ZNF407: variants seen among roughly 807,000 people sequenced by gnomAD.
ZNF407 encodes the protein zinc finger protein 407.
Under a neutral mutation model 131.2 loss-of-function variants are expected in ZNF407, and 17 were observed. That is an observed-to-expected ratio of 0.13 (90% CI 0.09 to 0.19). The LOEUF is 0.19. Among genes scored for constraint, ZNF407 ranks in the 10% least tolerant of loss-of-function variants. ZNF407 has a pLI of 1.00. For synonymous variants in ZNF407, 1,156 were observed against 1,062.0 expected, an observed-to-expected ratio of 1.09 and a Z score of -1.72; for missense variants, 2,681 against 2,830.6, an observed-to-expected ratio of 0.95 and a Z score of 1.20.
At chr18:75,020,817 T>G (rs1222145993) in intron 8 of ZNF407, among the ~76,000 whole-genome samples, 2 of 152,182 alleles carry the variant, frequency 1.3e-5, no homozygotes, top group African/African-American at 4.8e-5. Context: ...GAAGACAGAC[T>G]CCTTCCTAAT....
intron 3 of ZNF407, among the ~76,000 whole-genome samples, chr18:74,684,464 A>G (rs1374964936): frequency 1.3e-5 from 2 of 152,210 alleles, no homozygotes; most frequent in African/African-American, 4.8e-5. Context: ...AGTGCTCTGG[A>G]TAAATTTTGT....
At chr18:74,804,298 G>A (rs1443686484) in intron 4 of ZNF407, 147 of 1,145,858 alleles carry the variant, frequency 1.3e-4, no homozygotes, top group Non-Finnish European at 1.5e-4. Context: ...CATCATCAAT[G>A]AGTTAAAAAA....
At chr18:74,745,757 C>G (rs988077448) in intron 3 of ZNF407, among the ~76,000 whole-genome samples, 3 of 152,136 alleles carry the variant, frequency 2.0e-5, no homozygotes, top group East Asian at 1.9e-4. Flanking sequence ...TCTAGTTTTG[C>G]CTCATTTAGG....
chr18:75,063,399 T>A lies in ZNF407; in HGVS notation c.5678T>A (p.Leu1893Gln). The change falls in exon 9 of 9, where the codon CTG (leucine) becomes CAG (glutamine). Residue 1893 changes from leucine (L) to glutamine (Q), a missense_variant. Physicochemically the swap from Leu to Gln is moderately radical, Grantham distance 113. Coordinates refer to ENST00000299687, the MANE Select transcript of ZNF407 (RefSeq NM_017757.3). This position sits in a 1 kb window ranked among gnomAD's most constrained non-coding sequence, Gnocchi z 6.6. ...EETAAATLQT[L>Q]AMAGQVARVV... ...ACGGCCGCCGCCACGCTGCAGACGC[T>A]GGCCATGGCCGGCCAGGTGGCCCGG... 3 of 1,611,214 alleles carry A rather than the reference T, an allele frequency of 1.9e-6. No homozygotes were observed. The highest frequency in any genetic ancestry group is 2.5e-6 in the Non-Finnish European group (3 of 1,179,086).
intron 8 of ZNF407, among the ~76,000 whole-genome samples, chr18:75,050,542 G>A (rs1224573508): frequency 6.6e-6 from 1 of 152,200 alleles, no homozygotes; most frequent in Non-Finnish European, 1.5e-5. Flanking sequence ...CCCACAGGCT[G>A]ACATGAAGAG....
At chr18:74,720,093 A>T (rs9944878) in intron 3 of ZNF407, among the ~76,000 whole-genome samples, 12,545 of 152,048 alleles carry the variant, frequency 0.083, 687 homozygotes, top group African/African-American at 0.16. Context: ...ATTGTATTCC[A>T]TAGTGGTTGT....
chr18:75,005,154 T>G (rs1008020632), intron 8 of ZNF407, among the ~76,000 whole-genome samples: 5 of 152,184 alleles, frequency 3.3e-5, no homozygotes, highest in Non-Finnish European at 5.9e-5. Flanking sequence ...GACTGCTTGA[T>G]GGATGGAGCT....
At chr18:75,029,348 C>T (rs1368485052) in intron 8 of ZNF407, among the ~76,000 whole-genome samples, 1 of 152,156 alleles carries the variant, frequency 6.6e-6, no homozygotes, top group South Asian at 2.1e-4. Context: ...CCTCTTTCTA[C>T]GTTAACCCAG....
chr18:74,797,538 G>A (rs1255187053), intron 4 of ZNF407, among the ~76,000 whole-genome samples: 1 of 152,244 alleles, frequency 6.6e-6, no homozygotes, highest in Non-Finnish European at 1.5e-5. Flanking sequence ...TTGTGTGCAG[G>A]CTAGCCTGCT....
intron 8 of ZNF407, among the ~76,000 whole-genome samples, chr18:75,054,847 C>T (rs1039650708): frequency 3.9e-5 from 6 of 152,232 alleles, no homozygotes; most frequent in Non-Finnish European, 8.8e-5. Flanking sequence ...AAGCCTCACT[C>T]CTGAGGGACT....
chr18:74,789,838 C>T (rs1184210441), intron 4 of ZNF407, among the ~76,000 whole-genome samples: 2 of 145,666 alleles, frequency 1.4e-5, no homozygotes, highest in African/African-American at 5.1e-5. Context: ...AAAATCTTTC[C>T]CTTATCTTTG....
At chr18:75,057,191 A>G (rs1048491105) in intron 8 of ZNF407, among the ~76,000 whole-genome samples, 1 of 152,248 alleles carries the variant, frequency 6.6e-6, no homozygotes, top group African/African-American at 2.4e-5. Flanking sequence ...GCAATGTATC[A>G]ACATTTAGTA....
chr18:74,667,774 T>C (rs1265592692), intron 3 of ZNF407, among the ~76,000 whole-genome samples: 1 of 152,200 alleles, frequency 6.6e-6, no homozygotes, highest in Non-Finnish European at 1.5e-5. Context: ...CATGCAGGCT[T>C]CCATATAGTT....
intron 7 of ZNF407, among the ~76,000 whole-genome samples, chr18:74,899,027 G>A (rs964165883): frequency 2.0e-5 from 3 of 152,036 alleles, no homozygotes; most frequent in Admixed American, 1.3e-4. Flanking sequence ...TTTTTCACTC[G>A]GACAAGCCTG....
chr18:74,713,264 C>T (rs1967809439), intron 3 of ZNF407, among the ~76,000 whole-genome samples: 1 of 151,072 alleles, frequency 6.6e-6, no homozygotes, highest in South Asian at 2.1e-4. Flanking sequence ...AAATAAATGA[C>T]ATGGGCAATT....
intron 1 of ZNF407, among the ~76,000 whole-genome samples, chr18:74,619,911 A>G (rs940126069): frequency 9.9e-5 from 15 of 152,136 alleles, no homozygotes; most frequent in Non-Finnish European, 1.6e-4. Context: ...AAATGGCATA[A>G]GATACAAACG....
At position 74,818,429 on chromosome 18, in the gene ZNF407, T is replaced by C. The variant is rs1970296497; in HGVS notation, c.4877+36927T>C. 2.6e-5 allele frequency among the ~76,000 whole-genome samples: 4 copies of C among 152,264 alleles called. No individual in the cohort carries two copies. The South Asian group carries it at 8.3e-4, about 31-fold the overall frequency. On this transcript the variant is annotated intron_variant, in intron 4 of 8. Transcript: ENST00000299687. The stretch of plus-strand genomic sequence containing the variant: ...TATTCTTCAGACATTGTAGTATTTG[T>C]TTCTTACATTGTACCTACATATATT...
intron 3 of ZNF407, among the ~76,000 whole-genome samples, chr18:74,697,641 A>G (rs953336814): frequency 3.9e-5 from 6 of 152,180 alleles, no homozygotes. Context: ...TTTTATATAT[A>G]CTATGTTTAC....
At chr18:74,738,929 AAT>A (rs1968484027) in intron 3 of ZNF407, among the ~76,000 whole-genome samples, 2 of 152,192 alleles carry the variant, frequency 1.3e-5, no homozygotes, top group Admixed American at 1.3e-4. Flanking sequence ...AAGTAAAGAA[AAT>A]ATATGAAATT....
Sources: allele counts gnomAD v4.1 joint callset (sites outside exome capture counted in the v4.1 genomes callset), GRCh38; gene constraint gnomAD v4.1.1; non-coding constraint Gnocchi (gnomAD v3.1); transcripts MANE v1.5; gene names NCBI Gene and HGNC (gene_info 2026-07-23, HGNC 2026-07-21).